BOLA3: variants seen among roughly 807,000 people sequenced by gnomAD.
The protein encoded by BOLA3 is bolA family member 3.
A neutral mutation model predicts 14.5 loss-of-function variants in BOLA3; 8 were observed. That is an observed-to-expected ratio of 0.55 (90% CI 0.32 to 0.99). The LOEUF (loss-of-function observed/expected upper bound fraction) is 0.99, where lower values mean the gene tolerates loss of function less well. Among genes scored for constraint, BOLA3 ranks in the 50% least tolerant of loss-of-function variants. BOLA3 has a pLI of 0.04. For missense variants in BOLA3, 115 were observed against 138.2 expected (o/e 0.83, Z 0.84); for synonymous variants, 42 against 45.7 (o/e 0.92, Z 0.33).
rs555462339 is a variant in BOLA3, at chr2:74,145,615, G to A, written c.55-312C>T. 47 of 395,386 alleles carry A rather than the reference G, an allele frequency of 1.2e-4. 1 individual carries two copies. In the East Asian group the frequency reaches 2.2e-3, roughly 18 times the overall value. The allele number at this position is 395,386 out of a possible 1,614,324, so 24.5% of individuals were successfully genotyped here. A position where few individuals can be genotyped will look rare whatever the true frequency, so the allele number is the denominator to read the frequency against. On this transcript the variant is annotated intron_variant, in intron 1 of 3. Coordinates refer to ENST00000327428, the MANE Select transcript of BOLA3 (RefSeq NM_212552.3). ...TATAATGTTGTGACACTATTATGCC[G>A]ATAGTTTTATAGGTAAGGAAACTGA...
At chr2:74,146,577 A>T (rs932419714) in intron 1 of BOLA3, 1 of 152,272 alleles carries the variant, frequency 6.6e-6, no homozygotes, top group Non-Finnish European at 1.5e-5. Flanking sequence ...CATTACAATG[A>T]TGGAAGCACC....
chr2:74,142,393 T>C (rs755855234), intron 2 of BOLA3, 33 bp from the exon 3 acceptor site: 1 of 1,524,720 alleles, frequency 6.6e-7, no homozygotes, highest in Admixed American at 1.7e-5. Flanking sequence ...GCATTTCAAT[T>C]ATTAAGTCAT....
At chr2:74,138,277 C>A (rs1315474520) in intron 3 of BOLA3, among the ~76,000 whole-genome samples, 1 of 152,232 alleles carries the variant, frequency 6.6e-6, no homozygotes, top group Non-Finnish European at 1.5e-5. Context: ...GCCCACAGCA[C>A]TATAGTAGGT....
At chr2:74,137,758 C>G (rs892069683) in intron 3 of BOLA3, among the ~76,000 whole-genome samples, 13 of 152,152 alleles carry the variant, frequency 8.5e-5, no homozygotes, top group African/African-American at 3.1e-4. Flanking sequence ...TGAGCTGCCC[C>G]ACTTGGCCTA....
intron 2 of BOLA3, among the ~76,000 whole-genome samples, chr2:74,143,638 T>C (rs974751651): frequency 1.3e-5 from 2 of 152,066 alleles, no homozygotes; most frequent in East Asian, 1.9e-4. Context: ...GGCCTCAGCA[T>C]TGCCCCAAGA....
At chr2:74,137,013 ATAAGGTCCTTT>A (rs956411921) in intron 3 of BOLA3, among the ~76,000 whole-genome samples, 2 of 151,986 alleles carry the variant, frequency 1.3e-5, no homozygotes, top group Non-Finnish European at 1.5e-5. Flanking sequence ...AGAGGAAGAA[ATAAGGTCCTTT>A]TATACTAGGC....
At chr2:74,136,028 C>G (rs1302418771) in intron 3 of BOLA3, among the ~76,000 whole-genome samples, 1 of 150,788 alleles carries the variant, frequency 6.6e-6, no homozygotes, top group Non-Finnish European at 1.5e-5. Context: ...CGGCTTACTG[C>G]AAACTCCACC....
intron 2 of BOLA3, among the ~76,000 whole-genome samples, chr2:74,144,543 G>T (rs1315773766): frequency 6.6e-6 from 1 of 152,102 alleles, no homozygotes; most frequent in Non-Finnish European, 1.5e-5. Context: ...GTGGATAAAG[G>T]GCCTATCTTC....
At chr2:74,142,141 G>A in intron 3 of BOLA3, 131 bp downstream of exon 3, 2 of 717,462 alleles carry the variant, frequency 2.8e-6, no homozygotes, top group Non-Finnish European at 5.0e-6. Flanking sequence ...CTCAGGTCTT[G>A]AGTCCTGTTT....
intron 3 of BOLA3, among the ~76,000 whole-genome samples, chr2:74,138,763 C>T (rs925169869): frequency 2.6e-5 from 4 of 152,144 alleles, no homozygotes; most frequent in African/African-American, 9.7e-5. Context: ...AGGCCGGAGG[C>T]AGGGAGACGG....
At chr2:74,141,175 A>G (rs921284989) in intron 3 of BOLA3, among the ~76,000 whole-genome samples, 10 of 152,330 alleles carry the variant, frequency 6.6e-5, no homozygotes, top group Middle Eastern at 3.4e-3. Flanking sequence ...GGGCTCAGTG[A>G]TGGAGCACCC....
At chr2:74,138,916 T>C (rs778314120) in intron 3 of BOLA3, among the ~76,000 whole-genome samples, 13 of 152,212 alleles carry the variant, frequency 8.5e-5, no homozygotes, top group Non-Finnish European at 1.6e-4. Flanking sequence ...TCACCGTGGC[T>C]ACCTACCTAC....
At chr2:74,140,081 C>T (rs755312182) in intron 3 of BOLA3, among the ~76,000 whole-genome samples, 7 of 152,134 alleles carry the variant, frequency 4.6e-5, no homozygotes, top group African/African-American at 1.7e-4. Flanking sequence ...GTCAGGAGTT[C>T]GAGACCAGCC....
chr2:74,138,617 A>G (rs536149664), intron 3 of BOLA3, among the ~76,000 whole-genome samples: 2 of 152,352 alleles, frequency 1.3e-5, no homozygotes, highest in East Asian at 3.9e-4. Flanking sequence ...GGCAGATCAC[A>G]TGAAGAATGG....
intron 3 of BOLA3, among the ~76,000 whole-genome samples, chr2:74,138,711 G>T (rs569332545): frequency 1.8e-4 from 28 of 152,346 alleles, no homozygotes; most frequent in African/African-American, 6.7e-4. Context: ...AAAGACATTG[G>T]TGGAGGCGCC....
intron 2 of BOLA3, among the ~76,000 whole-genome samples, chr2:74,144,733 A>G (rs181017962): frequency 3.9e-5 from 6 of 152,256 alleles, no homozygotes; most frequent in Admixed American, 1.3e-4. Flanking sequence ...TCTCTTCCCT[A>G]TGAGGAGCTA....
At chr2:74,143,287 C>A (rs1263245891) in intron 2 of BOLA3, among the ~76,000 whole-genome samples, 1 of 151,844 alleles carries the variant, frequency 6.6e-6, no homozygotes, top group Non-Finnish European at 1.5e-5. Flanking sequence ...TCCTGAGTAG[C>A]TGGGACTATA....
intron 3 of BOLA3, among the ~76,000 whole-genome samples, chr2:74,140,953 T>TA (rs1371711525): frequency 6.6e-6 from 1 of 152,230 alleles, no homozygotes; most frequent in Non-Finnish European, 1.5e-5. Flanking sequence ...ACTGCTTCCT[T>TA]AACCACTTGT....
chr2:74,137,706 G>A (rs1269558264), intron 3 of BOLA3, among the ~76,000 whole-genome samples: 1 of 152,148 alleles, frequency 6.6e-6, no homozygotes, highest in African/African-American at 2.4e-5. Context: ...TCATGTTCCT[G>A]ACTTGCCCTG....
Sources: gnomAD v4.1 joint callset for allele counts (sites outside exome capture counted in the v4.1 genomes callset) on GRCh38, gnomAD v4.1.1 for gene constraint, MANE v1.5 for transcripts, NCBI Gene and HGNC (gene_info 2026-07-23, HGNC 2026-07-21) for gene names.